TRIM55: variants seen among roughly 807,000 people sequenced by gnomAD.
TRIM55 encodes tripartite motif-containing protein 55.
TRIM55 carries 50 observed loss-of-function variants against 60.9 expected under a neutral mutation model. The ratio of observed to expected loss-of-function variants is 0.82; its 90% CI spans 0.65 to 1.04. The LOEUF (loss-of-function observed/expected upper bound fraction) is 1.04, where lower values mean the gene tolerates loss of function less well. Among genes scored for constraint, TRIM55 ranks in the 50% least tolerant of loss-of-function variants. The probability of loss-of-function intolerance (pLI) is 0.00; values close to 1 mark genes in which losing one functional copy is unlikely to be tolerated. For missense variants in TRIM55, 681 were observed against 666.9 expected (o/e 1.02, Z -0.23); for synonymous variants, 237 against 238.1 (o/e 1.00, Z 0.04).
intron 2 of TRIM55, among the ~76,000 whole-genome samples, chr8:66,131,928 A>G (rs1359992922): frequency 6.6e-6 from 1 of 152,176 alleles, no homozygotes; most frequent in Non-Finnish European, 1.5e-5. Context: ...ATGCCCTTTT[A>G]TTTCCTTATC....
upstream of TRIM55, among the ~76,000 whole-genome samples, chr8:66,123,495 T>C (rs1808707578): frequency 6.6e-6 from 1 of 152,076 alleles, no homozygotes; most frequent in Non-Finnish European, 1.5e-5. Context: ...GCTGTTTTCC[T>C]GTGTAGCCTC....
intron 9 of TRIM55, among the ~76,000 whole-genome samples, chr8:66,160,866 G>GTTT (rs769044785): frequency 4.5e-5 from 6 of 132,042 alleles, no homozygotes; most frequent in African/African-American, 1.6e-4. Context: ...TGATGGGATT[G>GTTT]TTTTTTTTTT....
intron 3 of TRIM55, among the ~76,000 whole-genome samples, chr8:66,136,026 T>G (rs562382717): frequency 1.4e-4 from 22 of 152,248 alleles, no homozygotes; most frequent in African/African-American, 5.1e-4. Flanking sequence ...GAAATCAAAT[T>G]TGGAAGCAAA....
chr8:66,170,050 G>A (rs1258067825), intron 9 of TRIM55, among the ~76,000 whole-genome samples: 1 of 152,008 alleles, frequency 6.6e-6, no homozygotes, highest in Non-Finnish European at 1.5e-5. Context: ...AAGCAGGCCA[G>A]GTAACAGAAA....
At position 66,174,491 on chromosome 8, in the gene TRIM55, C is replaced by A; in HGVS notation, c.1545C>A (p.Pro515=). The change falls in exon 10 of 10, where the codon CCC becomes CCA. Residue 515 remains proline (P), a synonymous_variant. Transcript: ENST00000315962. ...ATSQIGFEAP[P]LQGQAAAPAS... ...TGCAGATTGGATTTGAGGCTCCTCC[C>A]CTCCAGGGACAGGCTGCAGCTCCAG... The A allele has an allele frequency of 6.2e-7, 1 of 1,611,840 alleles. No individual in the cohort carries two copies. The highest frequency in any genetic ancestry group is 1.1e-5 in the South Asian group (1 of 90,684).
chr8:66,162,547 G>T (rs1213466326), intron 9 of TRIM55, among the ~76,000 whole-genome samples: 2 of 152,052 alleles, frequency 1.3e-5, no homozygotes, highest in East Asian at 3.9e-4. Flanking sequence ...ATGATTTAAG[G>T]AGGATTCCCT....
At chr8:66,117,222 A>G in the TRIM55 span, among the ~76,000 whole-genome samples, 1 of 152,346 alleles carries the variant, frequency 6.6e-6, no homozygotes, top group East Asian at 1.9e-4. Context: ...CTTTCCTCCT[A>G]AGACCAAGAC....
At chr8:66,155,556 T>C in intron 9 of TRIM55, 1 of 1,258,768 alleles carries the variant, frequency 7.9e-7, no homozygotes, top group Middle Eastern at 2.0e-4. Context: ...GAAAAGTCCA[T>C]TGAAATAATG....
chr8:66,166,807 G>A (rs937842357), intron 9 of TRIM55, among the ~76,000 whole-genome samples: 3 of 152,206 alleles, frequency 2.0e-5, no homozygotes, highest in African/African-American at 7.2e-5. Flanking sequence ...GGGGCATGCA[G>A]TGTAATGGAA....
At chr8:66,117,747 A>C in the TRIM55 span, among the ~76,000 whole-genome samples, 2 of 152,286 alleles carry the variant, frequency 1.3e-5, no homozygotes, top group Middle Eastern at 6.8e-3. Context: ...GGTGAGGGTG[A>C]AACCAACGTT....
rs138765740 is a variant in TRIM55, at chr8:66,152,517, G to T, written c.1126G>T (p.Ala376Ser). 9.9e-6 allele frequency: 16 copies of T among 1,614,054 alleles called. No homozygotes were observed. Among genetic ancestry groups the T allele is most frequent in the Admixed American group, 5.0e-5 (3 of 60,000 alleles). Residue 376 changes from alanine (A) to serine (S), a missense_variant, in exon 8 of 10, where the codon GCT becomes TCT. Physicochemically the swap from Ala to Ser is moderately conservative, Grantham distance 99. Transcript: ENST00000315962. ...FPGEDENPEK[A>S]SELSQVELQA... ...AGGAGAAGATGAAAACCCAGAAAAA[G>T]CTTCAGAGCTCTCTCAGGTGGAGCT... is the stretch of plus-strand genomic sequence containing the variant.
At chr8:66,121,550 G>C in the TRIM55 span, among the ~76,000 whole-genome samples, 1 of 151,982 alleles carries the variant, frequency 6.6e-6, no homozygotes, top group African/African-American at 2.4e-5. Flanking sequence ...TCACCCAACT[G>C]GGTGTCTAAA....
chr8:66,119,789 T>C, the TRIM55 span, among the ~76,000 whole-genome samples: 4 of 152,216 alleles, frequency 2.6e-5, no homozygotes. Context: ...GGTTGTCTAG[T>C]ATAATAACCA....
chr8:66,149,751 A>C lies in TRIM55; in HGVS notation c.710A>C (p.Gln237Pro), dbSNP rs1218955123. Residue 237 changes from glutamine (Q) to proline (P), a missense_variant, in exon 5 of 10, where the codon CAA becomes CCA. Physicochemically the swap from Gln to Pro is moderately conservative, Grantham distance 76. Coordinates refer to ENST00000315962, the MANE Select transcript of TRIM55 (RefSeq NM_184085.2). ...NEMTQVITRTQEEKLEHVRAL... is the reference protein window; with the variant it reads ...NEMTQVITRTPEEKLEHVRAL... Reference sequence around the variant, plus strand: ...ATGACCCAAGTCATTACCCGAACCCAAGAGGAGAAACTGGAACATGTCCGT... The same window carrying C: ...ATGACCCAAGTCATTACCCGAACCCCAGAGGAGAAACTGGAACATGTCCGT... 1.2e-6 allele frequency: 2 copies of C among 1,614,082 alleles called. No homozygotes were observed. The highest frequency in any genetic ancestry group is 4.5e-5 in the East Asian group (2 of 44,886).
chr8:66,131,282 G>A (rs10101457), intron 2 of TRIM55, among the ~76,000 whole-genome samples: 39,720 of 151,844 alleles, frequency 0.26, 8,762 homozygotes, highest in African/African-American at 0.6. Flanking sequence ...CATTACTACT[G>A]GGCCTCTGAA....
intron 9 of TRIM55, among the ~76,000 whole-genome samples, chr8:66,170,684 T>G (rs1253167628): frequency 1.3e-5 from 2 of 152,184 alleles, no homozygotes; most frequent in African/African-American, 4.8e-5. Flanking sequence ...GGAACCCTCA[T>G]GCACTGCTGG....
the TRIM55 span, among the ~76,000 whole-genome samples, chr8:66,114,238 C>G: frequency 3.9e-5 from 6 of 152,152 alleles, no homozygotes; most frequent in African/African-American, 4.8e-5. Flanking sequence ...CGAGAGGTAG[C>G]GGGATCGATG....
chr8:66,168,159 C>T (rs1811427392), intron 9 of TRIM55, among the ~76,000 whole-genome samples: 1 of 152,196 alleles, frequency 6.6e-6, no homozygotes, highest in Non-Finnish European at 1.5e-5. Flanking sequence ...TCATTCCTAA[C>T]ATACCTTGAT....
chr8:66,164,392 T>C (rs967259900), intron 9 of TRIM55, among the ~76,000 whole-genome samples: 9 of 152,218 alleles, frequency 5.9e-5, no homozygotes, highest in Non-Finnish European at 1.0e-4. Flanking sequence ...TCACTTGCTT[T>C]AGAAGCTAAT....
Sources: gnomAD v4.1 joint callset for allele counts (sites outside exome capture counted in the v4.1 genomes callset) on GRCh38, gnomAD v4.1.1 for gene constraint, MANE v1.5 for transcripts, NCBI Gene and HGNC (gene_info 2026-07-23, HGNC 2026-07-21) for gene names.